Variants in GATAD2B observed in about 807,000 individuals in gnomAD.
The protein encoded by GATAD2B is transcriptional repressor p66-beta.
Under a neutral mutation model 64.3 loss-of-function variants are expected in GATAD2B, and 8 were observed. The observed-to-expected ratio is 0.12, with a 90% confidence interval of 0.07 to 0.22. The LOEUF (loss-of-function observed/expected upper bound fraction) is 0.22, where lower values mean the gene tolerates loss of function less well. Among genes scored for constraint, GATAD2B ranks in the 10% least tolerant of loss-of-function variants. The pLI, the probability that GATAD2B is intolerant of heterozygous loss-of-function variation, is 1.00. For missense variants in GATAD2B, 453 were observed against 752.0 expected, an observed-to-expected ratio of 0.60 and a Z score of 4.65; for synonymous variants, 281 against 271.3, an observed-to-expected ratio of 1.04 and a Z score of -0.35.
chr1:153,852,222 G>C (rs183910433), intron 1 of GATAD2B: 2 of 1,143,960 alleles, frequency 1.7e-6, no homozygotes, highest in African/African-American at 3.0e-5. Flanking sequence ...GCCAGTTGAG[G>C]GGCATGTTGT....
chr1:153,839,051 G>A (rs1675373877), intron 1 of GATAD2B, among the ~76,000 whole-genome samples: 1 of 143,998 alleles, frequency 6.9e-6, no homozygotes, highest in African/African-American at 2.6e-5. Flanking sequence ...AGAGGTTGCA[G>A]TGAACTGAGA....
At chr1:153,831,489 A>G (rs1675074817) in intron 1 of GATAD2B, among the ~76,000 whole-genome samples, 1 of 152,180 alleles carries the variant, frequency 6.6e-6, no homozygotes, top group Admixed American at 6.5e-5. Flanking sequence ...TGTATCCCAG[A>G]ACTTAAAGTA....
chr1:153,860,135 G>C (rs1383827874), intron 1 of GATAD2B, among the ~76,000 whole-genome samples: 1 of 151,104 alleles, frequency 6.6e-6, no homozygotes, highest in African/African-American at 2.4e-5. Flanking sequence ...GGCTGGTCTC[G>C]AACTCCTGAC....
At chr1:153,822,991 C>T (rs1674737025) in intron 2 of GATAD2B, among the ~76,000 whole-genome samples, 1 of 152,034 alleles carries the variant, frequency 6.6e-6, no homozygotes, top group Non-Finnish European at 1.5e-5. Context: ...CCTTATGTTA[C>T]TAAGGCTGGT....
At chr1:153,869,245 T>C (rs112874207) in intron 1 of GATAD2B, among the ~76,000 whole-genome samples, 40,737 of 149,802 alleles carry the variant, frequency 0.27, 6,039 homozygotes, top group Admixed American at 0.39. Flanking sequence ...TGAGCCAAGA[T>C]AGTGCCACTG....
intron 1 of GATAD2B, among the ~76,000 whole-genome samples, chr1:153,888,350 C>T (rs1313844467): frequency 6.6e-6 from 1 of 152,114 alleles, no homozygotes; most frequent in Non-Finnish European, 1.5e-5. Context: ...TTCCAAAAGA[C>T]AAAGTATCTC....
At position 153,805,734 on chromosome 1, in the gene GATAD2B, A is replaced by T. The variant is rs1050106871; in HGVS notation, c.*4443T>A. On this transcript the variant is annotated 3_prime_UTR_variant, in exon 11 of 11. Coordinates refer to ENST00000368655, the MANE Select transcript of GATAD2B (RefSeq NM_020699.4). ...GATGATCCCCCTCTTCACTTCACAG[A>T]TAAGAAAATTGATACTCAGAAAATT... is the stretch of plus-strand genomic sequence containing the variant. The T allele has an allele frequency of 9.9e-5, 15 of 152,226 alleles. No individual in the cohort carries two copies. The highest frequency in any genetic ancestry group is 3.6e-4 in the African/African-American group (15 of 41,446). 9.4% of individuals were successfully genotyped at this position (152,226 alleles called of 1,614,324 possible).
At chr1:153,893,979 A>AAAT (rs1557826533) in intron 1 of GATAD2B, among the ~76,000 whole-genome samples, 1,538 of 134,394 alleles carry the variant, frequency 0.011, 38 homozygotes, top group African/African-American at 0.039. Context: ...AAAAAAAAAA[A>AAAT]AAACCCAAAA....
chr1:153,874,640 G>A (rs111689685), intron 1 of GATAD2B, among the ~76,000 whole-genome samples: 26,921 of 149,816 alleles, frequency 0.18, 2,953 homozygotes, highest in South Asian at 0.26. Context: ...GCAGTGGCGC[G>A]ATCTCGGCTT....
intron 1 of GATAD2B, among the ~76,000 whole-genome samples, chr1:153,843,946 G>A (rs1570951339): frequency 6.6e-6 from 1 of 152,150 alleles, no homozygotes; most frequent in Non-Finnish European, 1.5e-5. Flanking sequence ...AACTGGCCTG[G>A]CTTATTGCCT....
At chr1:153,811,956 G>C in intron 9 of GATAD2B, 66 bp downstream of exon 9, 1 of 1,295,224 alleles carries the variant, frequency 7.7e-7, no homozygotes, top group South Asian at 1.2e-5. Flanking sequence ...CAATAGAAAG[G>C]ACAAATTGTG....
chr1:153,846,751 G>T (rs1675703083), intron 1 of GATAD2B, among the ~76,000 whole-genome samples: 1 of 151,672 alleles, frequency 6.6e-6, no homozygotes, highest in Non-Finnish European at 1.5e-5. Context: ...AGTAGAGACG[G>T]GGTTTCACCA....
chr1:153,869,814 T>G (rs1676602238), intron 1 of GATAD2B, among the ~76,000 whole-genome samples: 1 of 152,160 alleles, frequency 6.6e-6, no homozygotes. Flanking sequence ...TGTGTACCAC[T>G]TGAAGATCCC....
chr1:153,822,037 C>T lies in GATAD2B; in HGVS notation c.336-2302G>A, dbSNP rs892065254. On this transcript the variant is annotated intron_variant, in intron 2 of 10. Coordinates refer to ENST00000368655, the MANE Select transcript of GATAD2B (RefSeq NM_020699.4). ...CTCTACTAAAAATACAAAAATTAGC[C>T]GGGCATGGTAGTATACGCCTGTAAT... Among the ~76,000 whole-genome samples, 31 of 151,774 alleles carry T rather than the reference C, an allele frequency of 2.0e-4. 1 individual carries two copies. Among genetic ancestry groups the T allele is most frequent in the Admixed American group, 1.9e-3 (29 of 15,222 alleles).
intron 1 of GATAD2B, among the ~76,000 whole-genome samples, chr1:153,858,724 C>T (rs183593346): frequency 2.6e-5 from 4 of 152,118 alleles, no homozygotes; most frequent in Admixed American, 2.6e-4. Context: ...AGGCAAGACC[C>T]TATCTCCAAA....
At chr1:153,911,802 C>A (rs1013190311) in intron 1 of GATAD2B, among the ~76,000 whole-genome samples, 5 of 152,036 alleles carry the variant, frequency 3.3e-5, no homozygotes, top group Non-Finnish European at 5.9e-5. Context: ...AATTTATAAA[C>A]CTATAAAATA....
At chr1:153,921,127 A>G (rs1042793304) in intron 1 of GATAD2B, among the ~76,000 whole-genome samples, 5 of 152,230 alleles carry the variant, frequency 3.3e-5, no homozygotes, top group Admixed American at 1.3e-4. Flanking sequence ...CAGCACCAAA[A>G]TAAGAATCCA....
intron 1 of GATAD2B, chr1:153,853,154 C>A (rs1054153385): frequency 4.6e-5 from 65 of 1,413,618 alleles, no homozygotes; most frequent in Non-Finnish European, 5.9e-5. Context: ...TCCTGTCTAG[C>A]CCCTTACAGA....
chr1:153,819,530 A>T, intron 3 of GATAD2B, 76 bp downstream of exon 3: 1 of 1,070,414 alleles, frequency 9.3e-7, no homozygotes, highest in Non-Finnish European at 1.4e-6. Context: ...GTCAAAAAAC[A>T]GAACTAAATC....
Sources: allele counts gnomAD v4.1 joint callset (sites outside exome capture counted in the v4.1 genomes callset), GRCh38; gene constraint gnomAD v4.1.1; transcripts MANE v1.5; gene names NCBI Gene and HGNC (gene_info 2026-07-23, HGNC 2026-07-21).